The following CELF2 variants were observed in gnomAD, a reference collection of about 807,000 sequenced individuals.
CELF2 encodes CUGBP Elav-like family member 2, also known as CUG triplet repeat RNA-binding protein 2.
In CELF2, 8 loss-of-function variants were observed where a neutral mutation model predicts 62.6. The ratio of observed to expected loss-of-function variants is 0.13; its 90% CI spans 0.07 to 0.23. CELF2 has a LOEUF of 0.23. Ranked by LOEUF, CELF2 falls within the 10% of genes least tolerant of loss-of-function variation. CELF2 has a pLI of 1.00. For missense variants in CELF2, 333 were observed against 671.0 expected (o/e 0.50, Z 5.56); for synonymous variants, 258 against 250.0 (o/e 1.03, Z -0.30).
At chr10:10,532,925 G>A in the CELF2 span, among the ~76,000 whole-genome samples, 1 of 149,766 alleles carries the variant, frequency 6.7e-6, no homozygotes, top group African/African-American at 2.5e-5. Flanking sequence ...CACTCAAGAA[G>A]ACATCTTGCA....
At chr10:11,196,655 AAAC>A (rs2057571531) in intron 2 of CELF2, among the ~76,000 whole-genome samples, 1 of 151,076 alleles carries the variant, frequency 6.6e-6, no homozygotes, top group Non-Finnish European at 1.5e-5. Flanking sequence ...TCTTTAAAAA[AAAC>A]AAAACAAAAC....
chr10:11,276,860 C>T (rs913985747), intron 8 of CELF2, among the ~76,000 whole-genome samples: 2 of 152,230 alleles, frequency 1.3e-5, no homozygotes, highest in Non-Finnish European at 2.9e-5. Context: ...TCTGCGTGCT[C>T]ATTTGAAAAC....
intron 2 of CELF2, among the ~76,000 whole-genome samples, chr10:11,197,028 A>AAGGAAG (rs1565231131): frequency 2.4e-4 from 5 of 20,970 alleles, no homozygotes; most frequent in African/African-American, 1.9e-3. Flanking sequence ...AAGAAAGAAA[A>AAGGAAG]GAAAGAAAGA....
At chr10:10,909,876 G>T (rs143200737) in intron 1 of CELF2, among the ~76,000 whole-genome samples, 12 of 132,706 alleles carry the variant, frequency 9.0e-5, no homozygotes, top group Non-Finnish European at 1.7e-4. Context: ...TGTTTATAAA[G>T]TTTCCTGTCT....
At chr10:10,483,967 C>G in the CELF2 span, among the ~76,000 whole-genome samples, 2 of 139,214 alleles carry the variant, frequency 1.4e-5, no homozygotes, top group African/African-American at 2.7e-5. Flanking sequence ...TCTCTCCCAT[C>G]TCTCTCTCTG....
At chr10:11,225,243 C>T (rs1379559916) in intron 3 of CELF2, among the ~76,000 whole-genome samples, 1 of 152,188 alleles carries the variant, frequency 6.6e-6, no homozygotes, top group East Asian at 1.9e-4. Flanking sequence ...CAAAGGCTCT[C>T]TTTCATGGTC....
chr10:10,668,122 T>C, the CELF2 span, among the ~76,000 whole-genome samples: 1 of 152,182 alleles, frequency 6.6e-6, no homozygotes, highest in African/African-American at 2.4e-5. Context: ...CGAATAGCTT[T>C]CACCATTGAC....
chr10:10,523,646 C>T, the CELF2 span, among the ~76,000 whole-genome samples: 3 of 151,792 alleles, frequency 2.0e-5, no homozygotes, highest in East Asian at 5.9e-4. Context: ...TGAATCCTTT[C>T]AAATTCCATT....
chr10:11,266,461 G>C, intron 5 of CELF2, 137 bp from the exon 6 acceptor site: 1 of 538,708 alleles, frequency 1.9e-6, no homozygotes, highest in Non-Finnish European at 3.3e-6. Context: ...GAGAGAAGTT[G>C]TTTTATTTTT....
chr10:10,483,214 C>CAAAAAAA, the CELF2 span, among the ~76,000 whole-genome samples: 10 of 93,392 alleles, frequency 1.1e-4, no homozygotes, highest in Middle Eastern at 6.2e-3. Context: ...GGCAGAATAC[C>CAAAAAAA]AAAAAAAAAA....
At chr10:11,081,145 C>T (rs2073925173) in intron 1 of CELF2, among the ~76,000 whole-genome samples, 1 of 152,210 alleles carries the variant, frequency 6.6e-6, no homozygotes, top group Non-Finnish European at 1.5e-5. Flanking sequence ...TGAAGACTTA[C>T]TCATGTACAT....
At chr10:11,122,910 G>A (rs1161823067) in intron 1 of CELF2, among the ~76,000 whole-genome samples, 2 of 152,210 alleles carry the variant, frequency 1.3e-5, no homozygotes. Context: ...TGGGGCCAGG[G>A]CTTGAGGGAA....
the CELF2 span, among the ~76,000 whole-genome samples, chr10:10,702,782 C>T: frequency 2.2e-4 from 33 of 152,188 alleles, no homozygotes; most frequent in African/African-American, 8.0e-4. Flanking sequence ...GACGGGTTTT[C>T]GCCATGTTGG....
At position 10,972,591 on chromosome 10, in the gene CELF2, A is replaced by G. The variant is rs149830212; in HGVS notation, c.89+52592A>G. ...TGAGCTCATCTCTCTTACGGGTTCA[A>G]CCGTCTTCTACATATTGATGATTCT... On this transcript the variant is annotated intron_variant, in intron 2 of 13. Transcript: ENST00000636488. The surrounding 1 kb of genome is among the most constrained non-coding windows in gnomAD (Gnocchi z 4.4). Among the ~76,000 whole-genome samples the G allele has an allele frequency of 0.01, 1,569 of 152,182 alleles. 16 individuals carry two copies. The highest frequency in any genetic ancestry group is 0.014 in the Non-Finnish European group (944 of 68,016).
chr10:10,685,179 C>G, the CELF2 span, among the ~76,000 whole-genome samples: 6 of 152,210 alleles, frequency 3.9e-5, no homozygotes, highest in African/African-American at 1.2e-4. Context: ...CAGAAGTATA[C>G]AGAGCGGCTC....
chr10:10,882,766 T>C (rs2061514506), intron 1 of CELF2, among the ~76,000 whole-genome samples: 1 of 152,214 alleles, frequency 6.6e-6, no homozygotes, highest in Non-Finnish European at 1.5e-5. Context: ...ATTTTACTCC[T>C]ATTATTTTAT....
At chr10:10,591,514 A>C in the CELF2 span, among the ~76,000 whole-genome samples, 1 of 152,112 alleles carries the variant, frequency 6.6e-6, no homozygotes, top group Non-Finnish European at 1.5e-5. Flanking sequence ...GGTGGGATTA[A>C]AGGTAACGTT....
At chr10:10,565,629 T>A in the CELF2 span, among the ~76,000 whole-genome samples, 4 of 152,164 alleles carry the variant, frequency 2.6e-5, no homozygotes, top group African/African-American at 9.7e-5. Flanking sequence ...ATGCTTCTGG[T>A]GTAAGAATAT....
intron 1 of CELF2, among the ~76,000 whole-genome samples, chr10:11,058,086 C>T (rs978323397): frequency 1.1e-4 from 15 of 139,274 alleles, no homozygotes; most frequent in African/African-American, 3.2e-4. Context: ...AAAAAAAAAA[C>T]GGAATCTAAT....
Sources: allele counts gnomAD v4.1 joint callset (sites outside exome capture counted in the v4.1 genomes callset), GRCh38; gene constraint gnomAD v4.1.1; non-coding constraint Gnocchi (gnomAD v3.1); transcripts MANE v1.5; gene names NCBI Gene and HGNC (gene_info 2026-07-23, HGNC 2026-07-21).